Variants in HNF4G observed in about 807,000 individuals in gnomAD.
HNF4G encodes the protein hepatocyte nuclear factor 4-gamma.
In HNF4G, 21 loss-of-function variants were observed where a neutral mutation model predicts 50.9. The ratio of observed to expected loss-of-function variants is 0.41; its 90% CI spans 0.29 to 0.59. The LOEUF is 0.59. Ranked by LOEUF, HNF4G falls within the 20% of genes least tolerant of loss-of-function variation. The pLI is 0.26. For missense variants in HNF4G, 527 were observed against 559.4 expected (o/e 0.94, Z 0.58); for synonymous variants, 198 against 185.6 (o/e 1.07, Z -0.54).
At chr8:75,544,252 G>T (rs1806706590) in intron 2 of HNF4G, among the ~76,000 whole-genome samples, 1 of 152,050 alleles carries the variant, frequency 6.6e-6, no homozygotes, top group South Asian at 2.1e-4. Context: ...AGCCTTTAAT[G>T]GACACCTCCT....
chr8:75,471,179 T>G (rs73343066), intron 1 of HNF4G, among the ~76,000 whole-genome samples: 111 of 152,314 alleles, frequency 7.3e-4, no homozygotes, highest in African/African-American at 2.3e-3. Context: ...AAATACTGAC[T>G]TTCATTCATT....
chr8:75,417,676 A>G (rs1810674026), intron 1 of HNF4G, among the ~76,000 whole-genome samples: 1 of 152,200 alleles, frequency 6.6e-6, no homozygotes, highest in Non-Finnish European at 1.5e-5. Flanking sequence ...CATATGAATG[A>G]TTTCACTGAA....
At chr8:75,562,822 G>A (rs1162831303) in intron 9 of HNF4G, among the ~76,000 whole-genome samples, 1 of 152,060 alleles carries the variant, frequency 6.6e-6, no homozygotes, top group African/African-American at 2.4e-5. Flanking sequence ...ATGCAAAGCA[G>A]GATATTAAAC....
At chr8:75,506,843 A>G (rs1483755067) in intron 2 of HNF4G, among the ~76,000 whole-genome samples, 1 of 130,100 alleles carries the variant, frequency 7.7e-6, no homozygotes, top group Non-Finnish European at 1.6e-5. Context: ...TTTGTGGCAG[A>G]TCATCAACAA....
chr8:75,471,914 C>G (rs531073632), intron 1 of HNF4G, among the ~76,000 whole-genome samples: 1 of 152,300 alleles, frequency 6.6e-6, no homozygotes, highest in African/African-American at 2.4e-5. Flanking sequence ...GAGAACAGAT[C>G]TTTGCTTCAT....
chr8:75,504,296 A>T (rs1429199734), intron 2 of HNF4G, among the ~76,000 whole-genome samples: 2 of 151,710 alleles, frequency 1.3e-5, no homozygotes, highest in African/African-American at 4.8e-5. Flanking sequence ...CAACAAAAAA[A>T]ATCTGGATAT....
At chr8:75,512,048 T>G (rs1361648403) in intron 2 of HNF4G, among the ~76,000 whole-genome samples, 1 of 152,194 alleles carries the variant, frequency 6.6e-6, no homozygotes, top group East Asian at 1.9e-4. Context: ...TTAGTCTATA[T>G]CTAGGAAATT....
At chr8:75,479,773 A>G (rs1240495334) in intron 1 of HNF4G, among the ~76,000 whole-genome samples, 1 of 152,128 alleles carries the variant, frequency 6.6e-6, no homozygotes, top group Non-Finnish European at 1.5e-5. Context: ...TGAAAAAAAA[A>G]GAACATTTCT....
upstream of HNF4G, among the ~76,000 whole-genome samples, chr8:75,535,353 T>TTC (rs10633616): frequency 9.3e-5 from 2 of 21,394 alleles, no homozygotes; most frequent in African/African-American, 1.9e-3. Context: ...GGAAATATGA[T>TTC]TTTTTTTTAA....
chr8:75,558,511 C>T lies in HNF4G; in HGVS notation c.734-7C>T. ...TGTTTTGTTTTGTTTTGTTTTCTCT[C>T]TCATAGGAAACAACTATGTTATTCA... On this transcript the variant is annotated splice_polypyrimidine_tract_variant and splice_region_variant and intron_variant, in intron 6 of 9. Coordinates refer to ENST00000396423, the MANE Select transcript of HNF4G (RefSeq NM_004133.5). 3.1e-6 allele frequency: 5 copies of T among 1,604,720 alleles called. No individual in the cohort carries two copies. Among genetic ancestry groups the T allele is most frequent in the Non-Finnish European group, 4.2e-6 (5 of 1,177,262 alleles).
intron 2 of HNF4G, among the ~76,000 whole-genome samples, chr8:75,506,149 A>G (rs1422450212): frequency 6.6e-6 from 1 of 152,022 alleles, no homozygotes; most frequent in South Asian, 2.1e-4. Flanking sequence ...TCTTCATACC[A>G]ATCTTCTGGT....
intron 2 of HNF4G, among the ~76,000 whole-genome samples, chr8:75,528,413 A>G (rs1806238634): frequency 6.6e-6 from 1 of 152,220 alleles, no homozygotes; most frequent in South Asian, 2.1e-4. Flanking sequence ...TACTTTTAAG[A>G]TAAAGGATTT....
At chr8:75,425,609 A>T (rs916969152) in intron 1 of HNF4G, among the ~76,000 whole-genome samples, 2 of 148,134 alleles carry the variant, frequency 1.4e-5, no homozygotes, top group African/African-American at 2.5e-5. Context: ...TATATTTTTT[A>T]TATATATACA....
intron 2 of HNF4G, among the ~76,000 whole-genome samples, chr8:75,492,689 C>T (rs532118334): frequency 2.6e-5 from 4 of 152,264 alleles, no homozygotes; most frequent in Admixed American, 1.3e-4. Context: ...AATGATTTGT[C>T]CTGAGTCACA....
intron 2 of HNF4G, among the ~76,000 whole-genome samples, chr8:75,523,828 TTA>T (rs1806110876): frequency 6.6e-6 from 1 of 151,946 alleles, no homozygotes; most frequent in Non-Finnish European, 1.5e-5. Flanking sequence ...ACAAATAATT[TTA>T]TATACTTCTA....
intron 1 of HNF4G, among the ~76,000 whole-genome samples, chr8:75,481,646 G>A (rs1357908210): frequency 1.3e-5 from 2 of 152,102 alleles, no homozygotes; most frequent in African/African-American, 4.8e-5. Context: ...CACTTTCTAG[G>A]ATGTACACAT....
At chr8:75,551,777 C>T (rs958086610) in intron 4 of HNF4G, among the ~76,000 whole-genome samples, 1 of 152,090 alleles carries the variant, frequency 6.6e-6, no homozygotes, top group African/African-American at 2.4e-5. Context: ...TAATGAATAG[C>T]ACAAAGCTCT....
chr8:75,463,107 G>T (rs1811892516), intron 1 of HNF4G, among the ~76,000 whole-genome samples: 1 of 139,306 alleles, frequency 7.2e-6, no homozygotes, highest in African/African-American at 2.7e-5. Context: ...TTAGGAATCT[G>T]AATTAATTCA....
At chr8:75,474,704 C>T (rs1563520702) in intron 1 of HNF4G, among the ~76,000 whole-genome samples, 1 of 151,884 alleles carries the variant, frequency 6.6e-6, no homozygotes, top group Non-Finnish European at 1.5e-5. Context: ...TTTTTTAATA[C>T]AAATAATAAA....
Sources: gnomAD v4.1 joint callset for allele counts (sites outside exome capture counted in the v4.1 genomes callset) on GRCh38, gnomAD v4.1.1 for gene constraint, MANE v1.5 for transcripts, NCBI Gene and HGNC (gene_info 2026-07-23, HGNC 2026-07-21) for gene names.